The following AGMO variants were observed in gnomAD, a reference collection of about 807,000 sequenced individuals.
AGMO encodes glyceryl-ether monooxygenase.
Under a neutral mutation model 60.2 loss-of-function variants are expected in AGMO, and 75 were observed. The ratio of observed to expected loss-of-function variants is 1.25; its 90% confidence interval spans 1.03 to 1.51. AGMO has a LOEUF of 1.51. Among genes scored for constraint, AGMO ranks in the 40% most tolerant of loss-of-function variants. The pLI, the probability that AGMO is intolerant of heterozygous loss-of-function variation, is 0.00. For missense variants in AGMO, 763 were observed against 525.5 expected, an observed-to-expected ratio of 1.45 and a Z score of -4.42; for synonymous variants, 261 against 177.1, an observed-to-expected ratio of 1.47 and a Z score of -3.76.
In AGMO at chr7:15,247,457, CACAGAG is replaced by C. The variant is rs1398462033; in HGVS notation, c.1264-46104_1264-46099del. ...ACACACACACACACACACACACACA[CACAGAG>C]AGAGAGAGAGAGAGAGGGAGAGAGA... On this transcript the variant is annotated intron_variant, in intron 12 of 12. Transcript: ENST00000342526. Among the ~76,000 whole-genome samples, 7 of 119,442 alleles carry C rather than the reference CACAGAG, an allele frequency of 5.9e-5. 1 individual carries two copies. The highest frequency in any genetic ancestry group is 8.8e-3 in the Middle Eastern group (2 of 228). The allele number at this position is 119,442 out of a possible 152,430, so 78.4% of individuals were successfully genotyped here.
chr7:15,453,727 C>T (rs1473371660), intron 3 of AGMO, among the ~76,000 whole-genome samples: 1 of 152,058 alleles, frequency 6.6e-6, no homozygotes, highest in Non-Finnish European at 1.5e-5. Flanking sequence ...TGGAGCTGAG[C>T]AGGTCAGCAC....
intron 12 of AGMO, among the ~76,000 whole-genome samples, chr7:15,284,163 C>T (rs1038088853): frequency 6.6e-6 from 1 of 151,836 alleles, no homozygotes; most frequent in African/African-American, 2.4e-5. Flanking sequence ...AATATCATAC[C>T]TCAGGCAACC....
At chr7:15,249,902 C>T (rs913481840) in intron 12 of AGMO, among the ~76,000 whole-genome samples, 4 of 152,058 alleles carry the variant, frequency 2.6e-5, no homozygotes, top group African/African-American at 9.7e-5. Context: ...AGGTTTATAC[C>T]ATTTCTCTTA....
rs1160750368 is a variant in AGMO, at chr7:15,365,557, C to T, written c.1220G>A (p.Gly407Asp). 1.2e-6 allele frequency: 2 copies of T among 1,612,786 alleles called. No individual in the cohort carries two copies. The highest frequency in any genetic ancestry group is 1.7e-6 in the Non-Finnish European group (2 of 1,179,142). The change falls in exon 12 of 13, where the codon GGT (glycine) becomes GAT (aspartate). Residue 407 changes from glycine to aspartate, a missense_variant. Coordinates refer to ENST00000342526, the MANE Select transcript of AGMO (RefSeq NM_001004320.2). Reference sequence around the variant, plus strand: ...TGAAGGGACAAGAGGCTTCAGGTGACCAAATCGGTACAGCATTAAGAACAT... The same window carrying T: ...TGAAGGGACAAGAGGCTTCAGGTGATCAAATCGGTACAGCATTAAGAACAT... ...CLMFLMLYRF[G>D]HLKPLVPSLS... is the part of the protein sequence containing the mutation.
chr7:15,201,595 T>C (rs1781284787), intron 12 of AGMO, among the ~76,000 whole-genome samples: 1 of 152,184 alleles, frequency 6.6e-6, no homozygotes, highest in Non-Finnish European at 1.5e-5. Flanking sequence ...TTGTTTCTTA[T>C]ATTCACAAAT....
chr7:15,271,473 T>C (rs1783608747), intron 12 of AGMO, among the ~76,000 whole-genome samples: 1 of 152,154 alleles, frequency 6.6e-6, no homozygotes, highest in Admixed American at 6.6e-5. Flanking sequence ...AGGTTGATCA[T>C]TATTGATGTA....
intron 12 of AGMO, among the ~76,000 whole-genome samples, chr7:15,332,361 T>TA (rs1299265137): frequency 6.6e-6 from 1 of 152,164 alleles, no homozygotes; most frequent in Non-Finnish European, 1.5e-5. Flanking sequence ...TCTAAACTGT[T>TA]AAACGTAACA....
At position 15,547,655 on chromosome 7, in the gene AGMO, G is replaced by T. The variant is rs183496820; in HGVS notation, c.258-2732C>A. Among the ~76,000 whole-genome samples the T allele has an allele frequency of 1.4e-3, 212 of 151,952 alleles. 1 individual carries two copies. In the East Asian group the frequency reaches 0.025, roughly 18 times the overall value. ...ACGAGATTATATCCGCACCTGGCTC[G>T]GAGGGTCCTACGCCCACGGAGTCTC... On this transcript the variant is annotated intron_variant, in intron 2 of 12. Transcript: ENST00000342526.
rs549793677 is a variant in AGMO at position 15,274,695 on chromosome 7, C to CTT, written c.1264-73338_1264-73337dup. 7.7e-3 allele frequency among the ~76,000 whole-genome samples: 1,050 copies of CTT among 135,864 alleles called. 9 individuals carry two copies. Among genetic ancestry groups the CTT allele is most frequent in the African/African-American group, 0.025 (919 of 37,262 alleles). 89.1% of individuals were successfully genotyped at this position (135,864 alleles called of 152,430 possible). On this transcript the variant is annotated intron_variant, in intron 12 of 12. Transcript: ENST00000342526. ...AGTTGTGGATCCATCTGGTGATGGG[C>CTT]TTTTTTTTTTTTGGTAGATTTTTTC... is the stretch of plus-strand genomic sequence containing the variant.
chr7:15,312,814 G>T (rs1159967615), intron 12 of AGMO, among the ~76,000 whole-genome samples: 1 of 151,614 alleles, frequency 6.6e-6, no homozygotes, highest in Non-Finnish European at 1.5e-5. Context: ...GACCACAGCT[G>T]AGCACCACCA....
At chr7:15,395,860 A>T (rs986396744) in intron 5 of AGMO, among the ~76,000 whole-genome samples, 1 of 152,190 alleles carries the variant, frequency 6.6e-6, no homozygotes, top group Admixed American at 6.5e-5. Context: ...TCTGGCATTA[A>T]AACACCCAAT....
At chr7:15,452,739 A>T (rs1361228857) in intron 3 of AGMO, among the ~76,000 whole-genome samples, 1 of 152,218 alleles carries the variant, frequency 6.6e-6, no homozygotes, top group Non-Finnish European at 1.5e-5. Flanking sequence ...GTATATAGTC[A>T]AGAAAATTTA....
chr7:15,550,996 T>G (rs1784940186), intron 2 of AGMO, among the ~76,000 whole-genome samples: 3 of 141,064 alleles, frequency 2.1e-5, no homozygotes. Context: ...ATCCCTGGGA[T>G]GCAAGGCTGG....
At chr7:15,364,408 T>A (rs866031211) in intron 12 of AGMO, among the ~76,000 whole-genome samples, 1 of 152,078 alleles carries the variant, frequency 6.6e-6, no homozygotes. Context: ...TCCTGTATCA[T>A]GTTTTACTGT....
chr7:15,158,144 A>ATTT, the AGMO span, among the ~76,000 whole-genome samples: 6 of 152,154 alleles, frequency 3.9e-5, no homozygotes, highest in Non-Finnish European at 8.8e-5. Flanking sequence ...AAATTAGTGC[A>ATTT]TTTTTTTAGA....
chr7:15,379,133 A>C (rs769204386), intron 10 of AGMO, among the ~76,000 whole-genome samples: 14 of 152,220 alleles, frequency 9.2e-5, no homozygotes, highest in Non-Finnish European at 1.9e-4. Context: ...GTTAAGAGAG[A>C]AATTTATAGC....
At chr7:15,157,874 T>G in the AGMO span, among the ~76,000 whole-genome samples, 2 of 152,178 alleles carry the variant, frequency 1.3e-5, no homozygotes, top group Admixed American at 6.6e-5. Flanking sequence ...ACAGAAAGGA[T>G]GTAGCTTTTA....
In AGMO at chr7:15,418,433, T is replaced by C. The variant is rs1339957220; in HGVS notation, c.609+125A>G. ...CTAAAAACGAATAAAAATGAACAGA[T>C]GTTTCTCCTTAGAAAAGGCAGACAA... On this transcript the variant is annotated intron_variant, in intron 5 of 12. Coordinates refer to ENST00000342526, the MANE Select transcript of AGMO (RefSeq NM_001004320.2). 3 of 630,556 alleles carry C rather than the reference T, an allele frequency of 4.8e-6. No individual in the cohort carries two copies. In the African/African-American group the frequency reaches 5.8e-5, roughly 12 times the overall value. 39.1% of individuals were successfully genotyped at this position (630,556 alleles called of 1,614,324 possible). A position where few individuals can be genotyped will look rare whatever the true frequency, so the allele number is the denominator to read the frequency against.
chr7:15,317,097 G>C (rs1166308182), intron 12 of AGMO, among the ~76,000 whole-genome samples: 1 of 152,122 alleles, frequency 6.6e-6, no homozygotes, highest in Non-Finnish European at 1.5e-5. Context: ...TTCATCAAGT[G>C]AATCTTCTTT....
Sources: allele counts gnomAD v4.1 joint callset (sites outside exome capture counted in the v4.1 genomes callset), GRCh38; gene constraint gnomAD v4.1.1; transcripts MANE v1.5; gene names NCBI Gene and HGNC (gene_info 2026-07-23, HGNC 2026-07-21).